FAT1: variants seen among roughly 807,000 people sequenced by gnomAD.
The protein encoded by FAT1 is FAT atypical cadherin 1, also known as protocadherin Fat 1.
In FAT1, 171 loss-of-function variants were observed where a neutral mutation model predicts 329.8. The ratio of observed to expected loss-of-function variants is 0.52; its 90% CI spans 0.46 to 0.59. The LOEUF (loss-of-function observed/expected upper bound fraction) is 0.59, where lower values mean the gene tolerates loss of function less well. Ranked by LOEUF, FAT1 falls within the 20% of genes least tolerant of loss-of-function variation. The pLI is 0.00. For synonymous variants in FAT1, 2,233 were observed against 2,228.6 expected (o/e 1.00, Z -0.06); for missense variants, 5,672 against 5,774.4 (o/e 0.98, Z 0.57).
intron 11 of FAT1, 94 bp downstream of exon 11, chr4:186,616,909 CAT>C: frequency 3.7e-6 from 4 of 1,091,564 alleles, no homozygotes; most frequent in South Asian, 1.5e-5. Flanking sequence ...TCATAAAACA[CAT>C]GTGAATTACA....
chr4:186,642,495 T>TA (rs1741146871), intron 3 of FAT1, among the ~76,000 whole-genome samples: 1 of 152,202 alleles, frequency 6.6e-6, no homozygotes, highest in Admixed American at 6.5e-5. Context: ...TGAGCAGAAT[T>TA]AAAAATATGT....
intron 5 of FAT1, 150 bp downstream of exon 5, chr4:186,636,435 A>G: frequency 2.1e-6 from 2 of 931,814 alleles, no homozygotes; most frequent in Non-Finnish European, 3.3e-6. Context: ...CCTGATTCTC[A>G]AACGTTATCC....
chr4:186,654,181 T>C (rs1375118368), intron 3 of FAT1, among the ~76,000 whole-genome samples: 1 of 152,146 alleles, frequency 6.6e-6, no homozygotes, highest in African/African-American at 2.4e-5. Flanking sequence ...CTTAGATTAT[T>C]TGTAAAATGA....
At chr4:186,631,624 C>A (rs982762255) in intron 7 of FAT1, among the ~76,000 whole-genome samples, 2 of 150,956 alleles carry the variant, frequency 1.3e-5, no homozygotes, top group Non-Finnish European at 2.9e-5. Context: ...CCAGCTGACT[C>A]CTGTGCTCTT....
At chr4:186,614,055 A>T (rs1028287283) in intron 12 of FAT1, 136 bp downstream of exon 12, 4 of 669,102 alleles carry the variant, frequency 6.0e-6, no homozygotes, top group South Asian at 5.0e-5. Flanking sequence ...TTTCTAAGAG[A>T]TGTCAACTTC....
chr4:186,665,296 T>C (rs1422213197), intron 2 of FAT1, among the ~76,000 whole-genome samples: 4 of 152,188 alleles, frequency 2.6e-5, no homozygotes, highest in African/African-American at 9.7e-5. Flanking sequence ...GTTGAACTAG[T>C]TTACAGTCCC....
At chr4:186,705,952 T>A (rs1744565978) in intron 2 of FAT1, among the ~76,000 whole-genome samples, 1 of 152,202 alleles carries the variant, frequency 6.6e-6, no homozygotes, top group East Asian at 1.9e-4. Context: ...GTCATTTGCT[T>A]GTCCAGGATC....
At position 186,645,972 on chromosome 4, in the gene FAT1, C is replaced by T. The variant is rs1349369928; in HGVS notation, c.3581-6189G>A. ...AAAAAAAAAAAAAAAAATATATACA[C>T]ACACACACACACACACACACACACA... On this transcript the variant is annotated intron_variant, in intron 3 of 26. Coordinates refer to ENST00000441802, the MANE Select transcript of FAT1 (RefSeq NM_005245.4). 2.3e-4 allele frequency among the ~76,000 whole-genome samples: 30 copies of T among 128,204 alleles called. 1 individual carries two copies. Among genetic ancestry groups the T allele is most frequent in the South Asian group, 1.2e-3 (5 of 4,210 alleles). The allele number at this position is 128,204 out of a possible 152,430, so 84.1% of individuals were successfully genotyped here.
At chr4:186,639,636 T>C (rs538688766) in intron 4 of FAT1, 86 bp downstream of exon 4, 2 of 879,666 alleles carry the variant, frequency 2.3e-6, no homozygotes, top group South Asian at 3.2e-5. Flanking sequence ...TAGCTAAGAA[T>C]ACTGGTTAAT....
chr4:186,691,922 GCTA>G (rs796180264), intron 2 of FAT1, among the ~76,000 whole-genome samples: 1 of 151,020 alleles, frequency 6.6e-6, no homozygotes, highest in African/African-American at 2.5e-5. Flanking sequence ...CTTTACTGTG[GCTA>G]CTATTTTTTT....
chr4:186,726,638 T>G (rs893355697), upstream of FAT1: 9 of 152,280 alleles, frequency 5.9e-5, no homozygotes, highest in African/African-American at 1.7e-4. Flanking sequence ...TGTCAGGACG[T>G]GCCCAGGCAG....
chr4:186,638,642 C>CACAT (rs764013677), intron 4 of FAT1, among the ~76,000 whole-genome samples: 56 of 95,772 alleles, frequency 5.8e-4, no homozygotes, highest in Non-Finnish European at 1.2e-3. Context: ...CACACACACA[C>CACAT]ACATACACTG....
chr4:186,636,641 T>C lies in FAT1; in HGVS notation c.3916A>G (p.Thr1306Ala), dbSNP rs2126562941. ...EHGKFFIEPK[T>A]GVVSSKRFSA... ...AACCTCTTGGACGAAACCACTCCAG[T>C]TTTCGGTTCGATGAAAAATTTGCCA... is the stretch of plus-strand genomic sequence containing the variant. Residue 1306 changes from threonine to alanine, a missense_variant, in exon 5 of 27, where the codon ACT becomes GCT. Around this residue, in one of 2 missense-constraint regions of FAT1, gnomAD observed 3,966 missense variants for 3,915.2 expected, o/e 1.01. Transcript: ENST00000441802. 1 of 1,613,866 alleles carries C rather than the reference T, an allele frequency of 6.2e-7. No individual in the cohort carries two copies. Among genetic ancestry groups the C allele is most frequent in the Non-Finnish European group, 8.5e-7 (1 of 1,179,852 alleles).
rs1423415715 is a variant in FAT1 at position 186,613,154 on chromosome 4, G to C, written c.9418C>G (p.Pro3140Ala). The stretch of plus-strand genomic sequence containing the variant: ...TGCACTCTTGTCAGCAGCGTTCCCG[G>C]CTCTGTGTTTTCAAACACGGTGATG... ...YAITVFENTEPGTLLTRVQAT... is the reference protein window; with the variant it reads ...YAITVFENTEAGTLLTRVQAT... Residue 3140 changes from proline (P) to alanine (A), a missense_variant, in exon 13 of 27, where the codon CCG (proline) becomes GCG (alanine). Coordinates refer to ENST00000441802, the MANE Select transcript of FAT1 (RefSeq NM_005245.4). The C allele has an allele frequency of 6.2e-7, 1 of 1,613,282 alleles. No individual in the cohort carries two copies. The highest frequency in any genetic ancestry group is 8.5e-7 in the Non-Finnish European group (1 of 1,179,866).
chr4:186,607,693 G>A (rs1739217903), intron 16 of FAT1, among the ~76,000 whole-genome samples: 2 of 151,866 alleles, frequency 1.3e-5, no homozygotes, highest in African/African-American at 4.8e-5. Context: ...GTCGGTGGGT[G>A]GATGGATGGG....
At chr4:186,644,886 C>T (rs1560961893) in intron 3 of FAT1, among the ~76,000 whole-genome samples, 1 of 152,156 alleles carries the variant, frequency 6.6e-6, no homozygotes, top group Admixed American at 6.5e-5. Context: ...GTTGTACTGT[C>T]CACTCAGAAA....
Position 186,618,245 on chromosome 4 carries a change from T to C in FAT1, c.8341A>G (p.Arg2781Gly). The change falls in exon 10 of 27, where the codon AGG (arginine) becomes GGG (glycine). Residue 2781 changes from arginine (R) to glycine (G), a missense_variant. Arg to Gly is a moderately radical substitution (Grantham distance 125). Around this residue, in one of 2 missense-constraint regions of FAT1, gnomAD observed 3,966 missense variants for 3,915.2 expected, o/e 1.01. Coordinates refer to ENST00000441802, the MANE Select transcript of FAT1 (RefSeq NM_005245.4). ...ATCTCATGGTCATCTTGAGTGCACC[T>C]GGCCAGTATGGAAAACTGATACCAC... is the stretch of plus-strand genomic sequence containing the variant. ...TKWYQFSILA[R>G]CTQDDHEMVA... 2 of 1,614,038 alleles carry C rather than the reference T, an allele frequency of 1.2e-6. No individual in the cohort carries two copies. The highest frequency in any genetic ancestry group is 1.7e-6 in the Non-Finnish European group (2 of 1,179,890).
At position 186,636,779 on chromosome 4, in the gene FAT1, G is replaced by C. The variant is rs2126564290; in HGVS notation, c.3778C>G (p.Pro1260Ala). 1 of 1,613,948 alleles carries C rather than the reference G, an allele frequency of 6.2e-7. No individual in the cohort carries two copies. The highest frequency in any genetic ancestry group is 8.5e-7 in the Non-Finnish European group (1 of 1,179,890). ...YKIRLPEREKPDRERNARREP... is the reference protein window; with the variant it reads ...YKIRLPEREKADRERNARREP... ...CGTCTGGCATTTCTTTCTCGGTCTGGCTTTTCCCGCTCAGGGAGTCTGATT... is the reference window on the plus strand; with the variant it reads ...CGTCTGGCATTTCTTTCTCGGTCTGCCTTTTCCCGCTCAGGGAGTCTGATT... The change falls in exon 5 of 27, where the codon CCA becomes GCA. Residue 1260 changes from proline to alanine, a missense_variant. Coordinates refer to ENST00000441802, the MANE Select transcript of FAT1 (RefSeq NM_005245.4).
chr4:186,663,622 A>G lies in FAT1; in HGVS notation c.3266-9T>C. The G allele has an allele frequency of 6.3e-7, 1 of 1,586,908 alleles. No homozygotes were observed. The highest frequency in any genetic ancestry group is 8.5e-7 in the Non-Finnish European group (1 of 1,170,570). On this transcript the variant is annotated splice_polypyrimidine_tract_variant and intron_variant, in intron 2 of 26. Transcript: ENST00000441802. Reference sequence around the variant, plus strand: ...TGACGTCTCTATGACACCTACAGAGAAAAAAGAAAAGCGTAAAGCAGCACA... The same window carrying G: ...TGACGTCTCTATGACACCTACAGAGGAAAAAGAAAAGCGTAAAGCAGCACA...
Sources: allele counts gnomAD v4.1 joint callset (sites outside exome capture counted in the v4.1 genomes callset), GRCh38; gene constraint gnomAD v4.1.1; regional missense constraint gnomAD v4.1.1; transcripts MANE v1.5; gene names NCBI Gene and HGNC (gene_info 2026-07-23, HGNC 2026-07-21).